Variants in PRKCQ observed in about 807,000 individuals in gnomAD.
PRKCQ encodes the protein protein kinase C theta type.
In PRKCQ, 41 loss-of-function variants were observed where a neutral mutation model predicts 91.2. The observed-to-expected ratio is 0.45, with a 90% CI of 0.35 to 0.58. The LOEUF is 0.58. Among genes scored for constraint, PRKCQ ranks in the 20% least tolerant of loss-of-function variants. The probability of loss-of-function intolerance (pLI) is 0.00; values close to 1 mark genes in which losing one functional copy is unlikely to be tolerated. For missense variants in PRKCQ, 673 were observed against 896.5 expected (o/e 0.75, Z 3.18); for synonymous variants, 307 against 316.9 (o/e 0.97, Z 0.33).
chr10:6,480,050 G>A (rs1836511694), intron 11 of PRKCQ, among the ~76,000 whole-genome samples: 1 of 152,194 alleles, frequency 6.6e-6, no homozygotes, highest in African/African-American at 2.4e-5. Context: ...GTCCTAAAAT[G>A]TGACTGACAC....
At chr10:6,571,809 C>G (rs1841055822) in intron 1 of PRKCQ, among the ~76,000 whole-genome samples, 1 of 151,802 alleles carries the variant, frequency 6.6e-6, no homozygotes, top group Non-Finnish European at 1.5e-5. Flanking sequence ...GCCTCAAAAA[C>G]AAACAAACAA....
chr10:6,463,858 G>A (rs905988947), intron 13 of PRKCQ, among the ~76,000 whole-genome samples: 3 of 152,138 alleles, frequency 2.0e-5, no homozygotes, highest in African/African-American at 7.2e-5. Flanking sequence ...GGTGTCTCAG[G>A]CTGCCGGCAC....
intron 11 of PRKCQ, among the ~76,000 whole-genome samples, chr10:6,481,515 G>A (rs1836596877): frequency 6.6e-6 from 1 of 152,132 alleles, no homozygotes; most frequent in Non-Finnish European, 1.5e-5. Context: ...AGCCTACTGT[G>A]GTTCATATTA....
At chr10:6,566,832 TCTC>T (rs1277017271) in intron 1 of PRKCQ, among the ~76,000 whole-genome samples, 1 of 152,044 alleles carries the variant, frequency 6.6e-6, no homozygotes, top group Non-Finnish European at 1.5e-5. Context: ...CCGGAACACT[TCTC>T]AGTCAGATCC....
intron 1 of PRKCQ, among the ~76,000 whole-genome samples, chr10:6,524,372 T>C (rs1839124586): frequency 5.9e-5 from 9 of 152,162 alleles, no homozygotes. Context: ...CAAGTTTAGG[T>C]GACTTGCCTA....
At chr10:6,553,540 G>GAAGA (rs1230450192) in intron 1 of PRKCQ, among the ~76,000 whole-genome samples, 2 of 145,482 alleles carry the variant, frequency 1.4e-5, no homozygotes, top group Non-Finnish European at 3.0e-5. Flanking sequence ...AGAAGAAGAA[G>GAAGA]AAGAAAGAAA....
chr10:6,485,032 A>G (rs1836824475), intron 10 of PRKCQ, 120 bp downstream of exon 10: 1 of 819,806 alleles, frequency 1.2e-6, no homozygotes, highest in Non-Finnish European at 2.0e-6. Flanking sequence ...CTTAGTTGGT[A>G]GCTGGAGGTG....
chr10:6,477,637 G>C (rs568415350), intron 12 of PRKCQ, among the ~76,000 whole-genome samples: 1 of 152,206 alleles, frequency 6.6e-6, no homozygotes, highest in Non-Finnish European at 1.5e-5. Flanking sequence ...GGAGGCTGAG[G>C]GGGGTGGATC....
At position 6,446,055 on chromosome 10, in the gene PRKCQ, G is replaced by A. The variant is rs76340136; in HGVS notation, c.1648-3974C>T. Among the ~76,000 whole-genome samples the A allele has an allele frequency of 8.5e-5, 13 of 152,300 alleles. No homozygotes were observed. The East Asian group carries it at 1.7e-3, about 20-fold the overall frequency. ...TTACCTTAGGAGGAAGAAGTAAAAC[G>A]CAAACTCACACGTGCAGCAGAGTGT... On this transcript the variant is annotated intron_variant, in intron 15 of 17. Coordinates refer to ENST00000263125, the MANE Select transcript of PRKCQ (RefSeq NM_006257.5).
chr10:6,477,869 A>G (rs950110355), intron 12 of PRKCQ, among the ~76,000 whole-genome samples: 5 of 152,094 alleles, frequency 3.3e-5, no homozygotes, highest in African/African-American at 4.8e-5. Context: ...CTCCGTCTCA[A>G]AACAAACAAA....
At chr10:6,428,479 G>T in intron 17 of PRKCQ, 117 bp from the exon 18 acceptor site, 1 of 1,133,566 alleles carries the variant, frequency 8.8e-7, no homozygotes, top group Non-Finnish European at 1.3e-6. Context: ...TGTTTGCAGA[G>T]ACACTAAATG....
chr10:6,410,667 G>A, the PRKCQ span, among the ~76,000 whole-genome samples: 1,439 of 152,266 alleles, frequency 9.5e-3, 23 homozygotes, highest in African/African-American at 0.033. Context: ...ACAATGAGTT[G>A]AGCAATTCCA....
intron 1 of PRKCQ, among the ~76,000 whole-genome samples, chr10:6,572,595 A>G (rs1841086918): frequency 1.3e-5 from 2 of 152,156 alleles, no homozygotes; most frequent in Admixed American, 1.3e-4. Context: ...ATAGTATTCT[A>G]TGGTGTGTAT....
chr10:6,459,000 C>T (rs1835181961), intron 14 of PRKCQ, among the ~76,000 whole-genome samples: 1 of 152,178 alleles, frequency 6.6e-6, no homozygotes, highest in Non-Finnish European at 1.5e-5. Context: ...GACGCCACCA[C>T]ACCTGCTTCT....
intron 8 of PRKCQ, among the ~76,000 whole-genome samples, chr10:6,490,105 C>T (rs1837199092): frequency 1.3e-5 from 2 of 151,938 alleles, no homozygotes; most frequent in Non-Finnish European, 2.9e-5. Context: ...TCTTCTTGAA[C>T]AGGGGTGTAG....
chr10:6,398,879 G>A, the PRKCQ span, among the ~76,000 whole-genome samples: 7 of 151,658 alleles, frequency 4.6e-5, no homozygotes, highest in African/African-American at 1.7e-4. Context: ...TTAGCTTCCC[G>A]AGTATCTAGG....
intron 15 of PRKCQ, among the ~76,000 whole-genome samples, chr10:6,455,266 C>T (rs532615442): frequency 2.6e-5 from 4 of 152,330 alleles, no homozygotes; most frequent in Middle Eastern, 6.8e-3. Flanking sequence ...TGGTTTATAG[C>T]ATCAAAACCT....
chr10:6,480,438 A>G (rs1440554786), intron 11 of PRKCQ, among the ~76,000 whole-genome samples: 1 of 152,198 alleles, frequency 6.6e-6, no homozygotes, highest in African/African-American at 2.4e-5. Flanking sequence ...CATATGATGG[A>G]GGGTTTCAAC....
At chr10:6,455,359 C>T (rs757380421) in intron 15 of PRKCQ, among the ~76,000 whole-genome samples, 2 of 152,186 alleles carry the variant, frequency 1.3e-5, no homozygotes, top group Non-Finnish European at 2.9e-5. Context: ...GTGAGTTCAA[C>T]AATGCCATGT....
Sources: allele counts gnomAD v4.1 joint callset (sites outside exome capture counted in the v4.1 genomes callset), GRCh38; gene constraint gnomAD v4.1.1; transcripts MANE v1.5; gene names NCBI Gene and HGNC (gene_info 2026-07-23, HGNC 2026-07-21).